Variants in CDH18 observed in about 807,000 individuals in gnomAD.
CDH18 encodes the protein cadherin-18.
Under a neutral mutation model 67.9 loss-of-function variants are expected in CDH18, and 31 were observed. The ratio of observed to expected loss-of-function variants is 0.46; its 90% CI spans 0.34 to 0.62. CDH18 has a LOEUF of 0.62. Ranked by LOEUF, CDH18 falls within the 20% of genes least tolerant of loss-of-function variation. CDH18 has a pLI of 0.01. For missense variants in CDH18, 890 were observed against 975.5 expected (o/e 0.91, Z 1.17); for synonymous variants, 362 against 347.2 (o/e 1.04, Z -0.48).
intron 2 of CDH18, among the ~76,000 whole-genome samples, chr5:20,006,469 C>T (rs2150408795): frequency 6.6e-6 from 1 of 151,986 alleles, no homozygotes; most frequent in Admixed American, 6.6e-5. Flanking sequence ...AATTTTTAAA[C>T]TACGAGGATA....
intron 5 of CDH18, among the ~76,000 whole-genome samples, chr5:19,695,065 C>T (rs1408680674): frequency 6.6e-6 from 1 of 152,130 alleles, no homozygotes; most frequent in African/African-American, 2.4e-5. Context: ...CTCTATCCCA[C>T]TTGATTGCCT....
At chr5:20,309,212 TGAGG>T (rs1267383398) in intron 1 of CDH18, among the ~76,000 whole-genome samples, 2 of 152,210 alleles carry the variant, frequency 1.3e-5, no homozygotes, top group Non-Finnish European at 2.9e-5. Flanking sequence ...GTTTCACTCT[TGAGG>T]GAGGAAGAAA....
intron 2 of CDH18, among the ~76,000 whole-genome samples, chr5:19,960,588 T>TATATATATATATACACACAC (rs1561635504): frequency 2.4e-5 from 3 of 125,722 alleles, no homozygotes; most frequent in African/African-American, 4.1e-5. Flanking sequence ...TGTGTGTGTG[T>TATATATATATATACACACAC]GTATATATAT....
At chr5:19,921,265 C>G (rs1326284250) in intron 2 of CDH18, among the ~76,000 whole-genome samples, 5 of 152,158 alleles carry the variant, frequency 3.3e-5, no homozygotes, top group Non-Finnish European at 7.3e-5. Context: ...GGCATAGTGG[C>G]TCACACCTGT....
intron 2 of CDH18, among the ~76,000 whole-genome samples, chr5:20,198,591 A>C (rs1739177451): frequency 6.6e-6 from 1 of 152,178 alleles, no homozygotes; most frequent in South Asian, 2.1e-4. Context: ...GCGGTAGAAA[A>C]AAGAAACCCA....
chr5:19,951,517 A>G (rs185425198), intron 2 of CDH18, among the ~76,000 whole-genome samples: 34 of 152,264 alleles, frequency 2.2e-4, no homozygotes, highest in Non-Finnish European at 4.1e-4. Flanking sequence ...CAGTCTATCC[A>G]ATTTGGAACT....
intron 1 of CDH18, among the ~76,000 whole-genome samples, chr5:20,396,040 A>G (rs947554681): frequency 6.6e-6 from 1 of 152,200 alleles, no homozygotes; most frequent in African/African-American, 2.4e-5. Context: ...ACATATAAAT[A>G]AGGCGTTTTC....
At chr5:20,542,337 A>T (rs1757095386) in intron 1 of CDH18, among the ~76,000 whole-genome samples, 1 of 151,580 alleles carries the variant, frequency 6.6e-6, no homozygotes, top group Non-Finnish European at 1.5e-5. Flanking sequence ...AATTATTATT[A>T]TTAGATGAGA....
intron 2 of CDH18, among the ~76,000 whole-genome samples, chr5:19,926,094 T>G (rs1793051020): frequency 1.3e-5 from 2 of 152,204 alleles, no homozygotes; most frequent in Non-Finnish European, 2.9e-5. Flanking sequence ...CTGCAATTTT[T>G]TTTCAAATTG....
chr5:20,519,456 T>G (rs2126514748), intron 1 of CDH18, among the ~76,000 whole-genome samples: 1 of 151,952 alleles, frequency 6.6e-6, no homozygotes, highest in African/African-American at 2.4e-5. Context: ...AACATCACAC[T>G]CCGGGGACTG....
intron 8 of CDH18, among the ~76,000 whole-genome samples, chr5:19,550,761 T>A (rs1256292568): frequency 6.6e-6 from 1 of 152,178 alleles, no homozygotes; most frequent in Non-Finnish European, 1.5e-5. Flanking sequence ...TGATTTATAA[T>A]CCTTTGGGTA....
Position 20,427,571 on chromosome 5 carries a change from T to C in CDH18, c.-580+147891A>G, listed in dbSNP as rs190545024. Among the ~76,000 whole-genome samples the C allele has an allele frequency of 1.5e-3, 226 of 151,338 alleles. 13 individuals carry two copies. Among genetic ancestry groups the C allele is most frequent in the African/African-American group, 5.4e-3 (220 of 40,638 alleles). Reference sequence around the variant, plus strand: ...CACACATATTCACTCTGTTTCTGCTTATACTTGGTGAATTTTTTGAGCACT... The same window carrying C: ...CACACATATTCACTCTGTTTCTGCTCATACTTGGTGAATTTTTTGAGCACT... On this transcript the variant is annotated intron_variant, in intron 1 of 14. Coordinates refer to the CDH18 transcript ENST00000507958.
Position 19,498,950 on chromosome 5 carries a change from G to T in CDH18, c.1630+4042C>A, listed in dbSNP as rs548224347. Among the ~76,000 whole-genome samples the T allele has an allele frequency of 2.0e-5, 3 of 152,246 alleles. No individual in the cohort carries two copies. The East Asian group carries it at 5.8e-4, about 29-fold the overall frequency. On this transcript the variant is annotated intron_variant, in intron 11 of 12. Transcript: ENST00000382275. Reference sequence around the variant, plus strand: ...CAGACACATCTCTTATATGCTGGTTGAGCAGCATGTTTATTCTTTGCTCCA... The same window carrying T: ...CAGACACATCTCTTATATGCTGGTTTAGCAGCATGTTTATTCTTTGCTCCA...
intron 1 of CDH18, among the ~76,000 whole-genome samples, chr5:20,361,785 A>G (rs140389896): frequency 2.2e-4 from 33 of 152,244 alleles, no homozygotes; most frequent in African/African-American, 7.5e-4. Flanking sequence ...ACATTTACAC[A>G]TTACATTAAA....
chr5:20,476,618 A>C (rs959186548), intron 1 of CDH18, among the ~76,000 whole-genome samples: 1 of 152,150 alleles, frequency 6.6e-6, no homozygotes, highest in Non-Finnish European at 1.5e-5. Flanking sequence ...ATTTCAATTA[A>C]GTTTTCTGCA....
intron 2 of CDH18, among the ~76,000 whole-genome samples, chr5:20,224,518 A>C (rs528406403): frequency 0.026 from 2,046 of 78,730 alleles, 24 homozygotes; most frequent in South Asian, 0.039. Flanking sequence ...CAAAATCCTT[A>C]GGTTTTTTTT....
At chr5:19,621,881 C>A (rs1179316093) in intron 5 of CDH18, among the ~76,000 whole-genome samples, 2 of 152,168 alleles carry the variant, frequency 1.3e-5, no homozygotes, top group African/African-American at 4.8e-5. Context: ...CAGCCAGTAA[C>A]TATATATTGA....
chr5:19,973,499 C>A (rs2150342309), intron 2 of CDH18, among the ~76,000 whole-genome samples: 1 of 152,110 alleles, frequency 6.6e-6, no homozygotes, highest in South Asian at 2.1e-4. Context: ...AGTGAATGCT[C>A]AATATCCTGG....
In CDH18 at chr5:20,467,232, A is replaced by G. The variant is rs73060677; in HGVS notation, c.-580+108230T>C. Among the ~76,000 whole-genome samples the G allele has an allele frequency of 6.1e-3, 928 of 152,200 alleles. 9 individuals are homozygous for G. The highest frequency in any genetic ancestry group is 0.021 in the African/African-American group (891 of 41,534). On this transcript the variant is annotated intron_variant, in intron 1 of 14. Coordinates refer to the CDH18 transcript ENST00000507958. ...AGTATGTATCATCTCCTATGATTCT[A>G]AAAGATTAAAGAGTGGTAAATAAGG...
Sources: gnomAD v4.1 joint callset for allele counts (sites outside exome capture counted in the v4.1 genomes callset) on GRCh38, gnomAD v4.1.1 for gene constraint, MANE v1.5 for transcripts, NCBI Gene and HGNC (gene_info 2026-07-23, HGNC 2026-07-21) for gene names.